Variants in YTHDF3 observed in about 807,000 individuals in gnomAD.
The protein encoded by YTHDF3 is YTH N6-methyladenosine RNA binding protein F3.
In YTHDF3, 9 loss-of-function variants were observed where a neutral mutation model predicts 52.5. That is an observed-to-expected ratio of 0.17 (90% CI 0.10 to 0.30). The LOEUF is 0.30. Among genes scored for constraint, YTHDF3 ranks in the 10% least tolerant of loss-of-function variants. The probability of loss-of-function intolerance (pLI) is 1.00; values close to 1 mark genes in which losing one functional copy is unlikely to be tolerated. For synonymous variants in YTHDF3, 274 were observed against 243.3 expected, an observed-to-expected ratio of 1.13 and a Z score of -1.18; for missense variants, 534 against 715.0, an observed-to-expected ratio of 0.75 and a Z score of 2.89.
At chr8:63,208,830 C>T (rs1441923683) in intron 4 of YTHDF3, among the ~76,000 whole-genome samples, 1 of 152,106 alleles carries the variant, frequency 6.6e-6, no homozygotes, top group Non-Finnish European at 1.5e-5. Context: ...AGCCAGCATT[C>T]GACTGAATTT....
At chr8:63,177,302 T>G (rs1807760402) in intron 3 of YTHDF3, among the ~76,000 whole-genome samples, 1 of 152,166 alleles carries the variant, frequency 6.6e-6, no homozygotes, top group Non-Finnish European at 1.5e-5. Context: ...TACCTCTTGG[T>G]TACTTCCCCT....
At position 63,173,202 on chromosome 8, in the gene YTHDF3, T is replaced by TATATATATA. The variant is rs1554533375; in HGVS notation, c.50-2129_50-2128insATATATATA. 6.7e-3 allele frequency among the ~76,000 whole-genome samples: 838 copies of TATATATATA among 125,886 alleles called. 13 individuals are homozygous for TATATATATA. Among genetic ancestry groups the TATATATATA allele is most frequent in the East Asian group, 0.036 (136 of 3,734 alleles). The allele number at this position is 125,886 out of a possible 152,430, so 82.6% of individuals were successfully genotyped here. A position where few individuals can be genotyped will look rare whatever the true frequency, so the allele number is the denominator to read the frequency against. The stretch of plus-strand genomic sequence containing the variant: ...AAAAATAAGAATAACAGGATTATAT[T>TATATATATA]TATATATATATACAGATAAATTTTA... On this transcript the variant is annotated intron_variant, in intron 2 of 4. Transcript: ENST00000539294.
rs569493362 is a variant in YTHDF3, at chr8:63,185,978, A to C, written c.136-169A>C. Among the ~76,000 whole-genome samples, 3 of 152,346 alleles carry C rather than the reference A, an allele frequency of 2.0e-5. No individual in the cohort carries two copies. In the East Asian group the frequency reaches 5.8e-4, roughly 29 times the overall value. ...TTTAAGATGTGACTACTCATCAGCAAATTTTTCTGTTGATAAAACTGGATT... is the reference window on the plus strand; with the variant it reads ...TTTAAGATGTGACTACTCATCAGCACATTTTTCTGTTGATAAAACTGGATT... On this transcript the variant is annotated intron_variant, in intron 3 of 4. Coordinates refer to ENST00000539294, the MANE Select transcript of YTHDF3 (RefSeq NM_152758.6).
In YTHDF3 at chr8:63,186,251, A is replaced by C; in HGVS notation, c.240A>C (p.Gly80=). The C allele has an allele frequency of 6.2e-7, 1 of 1,614,048 alleles. No individual in the cohort carries two copies. Among genetic ancestry groups the C allele is most frequent in the South Asian group, 1.1e-5 (1 of 91,090 alleles). ...SLGEAAWSTA[G]DQPMPYLTTY... ...GGGAAGCAGCGTGGTCCACAGCTGG[A>C]GACCAGCCTATGCCATATCTGACAA... is the stretch of plus-strand genomic sequence containing the variant. The change falls in exon 4 of 5, where the codon GGA becomes GGC. Residue 80 remains glycine, a synonymous_variant. Transcript: ENST00000539294.
chr8:63,197,222 C>CAGT (rs1382723270), intron 4 of YTHDF3, among the ~76,000 whole-genome samples: 2 of 152,232 alleles, frequency 1.3e-5, no homozygotes, highest in Non-Finnish European at 2.9e-5. Flanking sequence ...GCTTAGCACA[C>CAGT]AGTAGGTTTT....
intron 4 of YTHDF3, among the ~76,000 whole-genome samples, chr8:63,190,736 T>G (rs1480104739): frequency 1.3e-5 from 2 of 152,206 alleles, no homozygotes; most frequent in South Asian, 2.1e-4. Flanking sequence ...TCACTTTTCC[T>G]TTTTCTGTCT....
chr8:63,204,352 GTGTT>G (rs1189034412), intron 4 of YTHDF3, among the ~76,000 whole-genome samples: 1 of 144,450 alleles, frequency 6.9e-6, no homozygotes, highest in Non-Finnish European at 1.5e-5. Flanking sequence ...ATTTTTTTGT[GTGTT>G]TGTTGTTTTT....
At chr8:63,178,328 C>T (rs907779397) in intron 3 of YTHDF3, among the ~76,000 whole-genome samples, 3 of 151,754 alleles carry the variant, frequency 2.0e-5, no homozygotes, top group Admixed American at 6.6e-5. Flanking sequence ...CTGTGGTTTG[C>T]GTTTTATCTG....
chr8:63,182,130 G>T (rs532076303), intron 3 of YTHDF3, among the ~76,000 whole-genome samples: 18 of 151,170 alleles, frequency 1.2e-4, no homozygotes, highest in African/African-American at 3.6e-4. Context: ...GTGCAGTAGT[G>T]TGATCATAGT....
rs566558092 is a variant in YTHDF3, at chr8:63,209,096, G to A, written c.1735-587G>A. On this transcript the variant is annotated intron_variant, in intron 4 of 4. Transcript: ENST00000539294. ...TTGGTCAGGCTGATCTTGAACTCCT[G>A]ACCTCAGTTGATCCACCTGTCTCGG... 3.3e-5 allele frequency among the ~76,000 whole-genome samples: 5 copies of A among 152,236 alleles called. No homozygotes were observed. The East Asian group carries it at 9.7e-4, about 29-fold the overall frequency.
chr8:63,194,976 C>G (rs1015726225), intron 4 of YTHDF3, among the ~76,000 whole-genome samples: 4 of 152,132 alleles, frequency 2.6e-5, no homozygotes, highest in Non-Finnish European at 5.9e-5. Context: ...ACTTTAAAAA[C>G]CTAATTTCAT....
intron 2 of YTHDF3, among the ~76,000 whole-genome samples, chr8:63,172,154 T>C (rs1275381844): frequency 1.3e-5 from 2 of 152,198 alleles, no homozygotes; most frequent in South Asian, 2.1e-4. Context: ...ATAGTAGAAA[T>C]TTAAGGATAA....
At chr8:63,204,382 A>G (rs1809850610) in intron 4 of YTHDF3, among the ~76,000 whole-genome samples, 2 of 131,778 alleles carry the variant, frequency 1.5e-5, no homozygotes, top group Non-Finnish European at 3.2e-5. Flanking sequence ...TTTTTTTGAG[A>G]CGGAGTTTTG....
chr8:63,180,729 C>T (rs1292096609), intron 3 of YTHDF3, among the ~76,000 whole-genome samples: 1 of 152,210 alleles, frequency 6.6e-6, no homozygotes, highest in African/African-American at 2.4e-5. Flanking sequence ...CCTGGCACCT[C>T]GGGAGGCCGA....
chr8:63,182,922 TA>T (rs1245032115), intron 3 of YTHDF3, among the ~76,000 whole-genome samples: 1 of 151,340 alleles, frequency 6.6e-6, no homozygotes, highest in Admixed American at 6.6e-5. Flanking sequence ...TTTAACTGTT[TA>T]AAAAAAGGAT....
At position 63,168,765 on chromosome 8, in the gene YTHDF3, A is replaced by AGCGGCG; in HGVS notation, c.-107_-102dup. 6.5e-7 allele frequency: 1 copy of AGCGGCG among 1,545,216 alleles called. No individual in the cohort carries two copies. Among genetic ancestry groups the AGCGGCG allele is most frequent in the Non-Finnish European group, 8.7e-7 (1 of 1,143,804 alleles). ...TTTTGGGTTCTCAGCGAACGGCGGC[A>AGCGGCG]GCGGCGGCGGCTGGAACAATCACTC... On this transcript the variant is annotated 5_prime_UTR_variant, in exon 1 of 5. Coordinates refer to ENST00000539294, the MANE Select transcript of YTHDF3 (RefSeq NM_152758.6).
At chr8:63,169,825 C>T (rs1205386103) in intron 2 of YTHDF3, among the ~76,000 whole-genome samples, 2 of 152,316 alleles carry the variant, frequency 1.3e-5, no homozygotes, top group East Asian at 3.9e-4. Context: ...TATTCCATCA[C>T]ATTAATGAAA....
chr8:63,203,698 C>G (rs1174928973), intron 4 of YTHDF3, among the ~76,000 whole-genome samples: 1 of 152,128 alleles, frequency 6.6e-6, no homozygotes, highest in African/African-American at 2.4e-5. Flanking sequence ...TGGACACTAA[C>G]GTTGCATTTA....
intron 3 of YTHDF3, among the ~76,000 whole-genome samples, chr8:63,184,627 T>C (rs1450450247): frequency 2.0e-5 from 3 of 152,230 alleles, no homozygotes; most frequent in Non-Finnish European, 4.4e-5. Context: ...TATGACGTTA[T>C]GTCACACATT....
Sources: allele counts gnomAD v4.1 joint callset (sites outside exome capture counted in the v4.1 genomes callset), GRCh38; gene constraint gnomAD v4.1.1; transcripts MANE v1.5; gene names NCBI Gene and HGNC (gene_info 2026-07-23, HGNC 2026-07-21).